The following BTAF1 variants were observed in gnomAD, a reference collection of about 807,000 sequenced individuals.
BTAF1 encodes the protein TATA-binding protein-associated factor 172.
A neutral mutation model predicts 227.1 loss-of-function variants in BTAF1; 38 were observed. The observed-to-expected ratio is 0.17, with a 90% CI of 0.13 to 0.22. The LOEUF is 0.22. Among genes scored for constraint, BTAF1 ranks in the 10% least tolerant of loss-of-function variants. BTAF1 has a pLI of 1.00. For synonymous variants in BTAF1, 742 were observed against 751.9 expected (o/e 0.99, Z 0.21); for missense variants, 1,598 against 2,204.0 (o/e 0.73, Z 5.51).
intron 4 of BTAF1, among the ~76,000 whole-genome samples, chr10:91,943,917 G>A (rs1163691971): frequency 2.0e-5 from 3 of 152,138 alleles, no homozygotes; most frequent in Non-Finnish European, 2.9e-5. Context: ...TTGGGAGGAC[G>A]AGACGGGCAG....
In BTAF1 at chr10:92,028,967, TCAGTTA is replaced by T. The variant is rs774831654; in HGVS notation, c.*37_*42del. The T allele has an allele frequency of 2.6e-6, 4 of 1,538,454 alleles. No individual in the cohort carries two copies. In the Admixed American group the frequency reaches 8.7e-5, roughly 34 times the overall value. ...TATTGTAAATGCAATTGCTGCTAGTTCAGTTACATTTCTGCTGATATTCAGCAAATT... is the reference window on the plus strand; with the variant it reads ...TATTGTAAATGCAATTGCTGCTAGTTCATTTCTGCTGATATTCAGCAAATT... On this transcript the variant is annotated 3_prime_UTR_variant, in exon 38 of 38. Transcript: ENST00000265990.
chr10:91,959,376 C>T (rs1846323783), intron 9 of BTAF1: 1 of 861,952 alleles, frequency 1.2e-6, no homozygotes, highest in Non-Finnish European at 1.6e-6. Context: ...TGCCTGGAGA[C>T]ACTGGTAATA....
chr10:92,028,762 T>A (rs1261487775), intron 37 of BTAF1, 28 bp from the exon 38 acceptor site: 4 of 1,552,606 alleles, frequency 2.6e-6, no homozygotes, highest in African/African-American at 1.4e-5. Context: ...TCATTTTATT[T>A]TTTTTTTTTT....
intron 28 of BTAF1, 65 bp downstream of exon 28, chr10:92,009,273 A>C: frequency 6.6e-7 from 1 of 1,512,948 alleles, no homozygotes; most frequent in East Asian, 2.3e-5. Context: ...AGGAACAGTA[A>C]CATTTATTAA....
At chr10:91,958,640 T>C (rs1405146682) in intron 8 of BTAF1, among the ~76,000 whole-genome samples, 1 of 151,936 alleles carries the variant, frequency 6.6e-6, no homozygotes, top group African/African-American at 2.4e-5. Flanking sequence ...GAGGCGGAGG[T>C]TGCGGTGAGC....
chr10:91,973,547 G>T (rs909407376), intron 14 of BTAF1, among the ~76,000 whole-genome samples: 1 of 152,054 alleles, frequency 6.6e-6, no homozygotes, highest in East Asian at 1.9e-4. Flanking sequence ...GTGCTAAGCA[G>T]TTTACATGAG....
chr10:91,937,971 A>T (rs764265024), intron 2 of BTAF1, among the ~76,000 whole-genome samples: 1 of 152,148 alleles, frequency 6.6e-6, no homozygotes, highest in Non-Finnish European at 1.5e-5. Context: ...ATCCTGCTGG[A>T]TATGAAGGGG....
At chr10:91,984,850 A>G (rs1219168913) in intron 19 of BTAF1, among the ~76,000 whole-genome samples, 5 of 152,210 alleles carry the variant, frequency 3.3e-5, no homozygotes, top group Non-Finnish European at 7.4e-5. Context: ...ACTTTATCAC[A>G]TACGTATTCA....
intron 25 of BTAF1, among the ~76,000 whole-genome samples, chr10:92,004,510 C>T (rs1052105242): frequency 6.6e-6 from 1 of 152,130 alleles, no homozygotes; most frequent in Non-Finnish European, 1.5e-5. Flanking sequence ...CTCTGTTGCC[C>T]AGGCTGGAGT....
chr10:91,976,777 C>T (rs546556242), intron 14 of BTAF1, among the ~76,000 whole-genome samples: 1 of 152,300 alleles, frequency 6.6e-6, no homozygotes, highest in Admixed American at 6.5e-5. Flanking sequence ...TGGATTTCAA[C>T]AACTATTTAA....
At chr10:91,976,007 T>G (rs954396760) in intron 14 of BTAF1, among the ~76,000 whole-genome samples, 4 of 152,220 alleles carry the variant, frequency 2.6e-5, no homozygotes, top group Non-Finnish European at 5.9e-5. Context: ...GTTAGAGAGC[T>G]CAGTCGCACA....
In BTAF1 at chr10:92,011,269, T is replaced by C. The variant is rs186267490; in HGVS notation, c.4182-17T>C. The stretch of plus-strand genomic sequence containing the variant: ...ATACAGCAAAAGTTGTAAAATTTTC[T>C]ATTTATTCTCCCTTAGAAATATTAA... On this transcript the variant is annotated splice_polypyrimidine_tract_variant and intron_variant, in intron 29 of 37. Coordinates refer to ENST00000265990, the MANE Select transcript of BTAF1 (RefSeq NM_003972.3). 3,591 of 1,511,268 alleles carry C rather than the reference T, an allele frequency of 2.4e-3. 7 individuals carry two copies. Among genetic ancestry groups the C allele is most frequent in the Non-Finnish European group, 2.9e-3 (3,213 of 1,124,724 alleles). 93.6% of individuals were successfully genotyped at this position (1,511,268 alleles called of 1,614,324 possible). A position where few individuals can be genotyped will look rare whatever the true frequency, so the allele number is the denominator to read the frequency against.
In BTAF1 at chr10:92,009,397, A is replaced by T. The variant is rs115338516; in HGVS notation, c.4103+189A>T. 7.3e-3 allele frequency among the ~76,000 whole-genome samples: 1,105 copies of T among 152,358 alleles called. 10 individuals are homozygous for T. Among genetic ancestry groups the T allele is most frequent in the African/African-American group, 0.025 (1,024 of 41,584 alleles). The stretch of plus-strand genomic sequence containing the variant: ...GGCTCATCAAAATTGAGGAATTTTA[A>T]CCATTGTACAATAAGTTGAGCTTTC... On this transcript the variant is annotated intron_variant, in intron 28 of 37. Coordinates refer to ENST00000265990, the MANE Select transcript of BTAF1 (RefSeq NM_003972.3).
At chr10:92,020,320 T>C (rs1249360090) in intron 34 of BTAF1, among the ~76,000 whole-genome samples, 1 of 152,190 alleles carries the variant, frequency 6.6e-6, no homozygotes, top group Non-Finnish European at 1.5e-5. Flanking sequence ...TGGTGTTGCT[T>C]TTAAAAATTA....
At chr10:91,955,663 T>C (rs552684233) in intron 6 of BTAF1, among the ~76,000 whole-genome samples, 1 of 152,192 alleles carries the variant, frequency 6.6e-6, no homozygotes, top group South Asian at 2.1e-4. Context: ...TTTTAAATAG[T>C]TTAAGAAAAT....
chr10:92,016,709 C>G (rs1186995045), intron 33 of BTAF1, among the ~76,000 whole-genome samples: 1 of 152,096 alleles, frequency 6.6e-6, no homozygotes, highest in Non-Finnish European at 1.5e-5. Flanking sequence ...CTCCTGACCT[C>G]AAGTGATTCA....
intron 28 of BTAF1, 138 bp from the exon 29 acceptor site, chr10:92,010,935 C>G (rs918528606): frequency 4.4e-6 from 3 of 682,134 alleles, no homozygotes; most frequent in Non-Finnish European, 7.7e-6. Flanking sequence ...AAGAGTAGCC[C>G]TTCAGGGTCA....
At position 92,018,857 on chromosome 10, in the gene BTAF1, C is replaced by T. The variant is rs1459578407; in HGVS notation, c.4785C>T (p.Thr1595=). 4 of 1,610,932 alleles carry T rather than the reference C, an allele frequency of 2.5e-6. No individual in the cohort carries two copies. In the East Asian group the frequency reaches 8.9e-5, roughly 36 times the overall value. Residue 1595 remains threonine (T), a synonymous_variant, in exon 34 of 38, where the codon ACC becomes ACT. Coordinates refer to ENST00000265990, the MANE Select transcript of BTAF1 (RefSeq NM_003972.3). ...VLTPQHPEFK[T]TAEKLAVQNS... ...CACCTCAACATCCAGAATTCAAGAC[C>T]ACTGCCGAAAAACTGGCAGTTCAGA...
At chr10:92,000,614 A>G (rs1195325136) in intron 25 of BTAF1, among the ~76,000 whole-genome samples, 1 of 152,052 alleles carries the variant, frequency 6.6e-6, no homozygotes, top group East Asian at 1.9e-4. Flanking sequence ...GCTGGAGTGC[A>G]ATGGTGTGAT....
Sources: gnomAD v4.1 joint callset for allele counts (sites outside exome capture counted in the v4.1 genomes callset) on GRCh38, gnomAD v4.1.1 for gene constraint, MANE v1.5 for transcripts, NCBI Gene and HGNC (gene_info 2026-07-23, HGNC 2026-07-21) for gene names.